The following ALDH1L1 variants were observed in gnomAD, a reference collection of about 807,000 sequenced individuals.
ALDH1L1 encodes cytosolic 10-formyltetrahydrofolate dehydrogenase.
ALDH1L1 carries 68 observed loss-of-function variants against 101.1 expected under a neutral mutation model. The observed-to-expected ratio is 0.67, with a 90% CI of 0.55 to 0.82. The LOEUF (loss-of-function observed/expected upper bound fraction) is 0.82. ALDH1L1 is among the 40% of genes least tolerant of loss of function. The probability of loss-of-function intolerance (pLI) is 0.00; values close to 1 mark genes in which losing one functional copy is unlikely to be tolerated. For synonymous variants in ALDH1L1, 486 were observed against 470.8 expected (o/e 1.03, Z -0.42); for missense variants, 1,087 against 1,172.7 (o/e 0.93, Z 1.07).
Position 126,135,573 on chromosome 3 carries a change from C to T in ALDH1L1, c.1434G>A (p.Gly478=), listed in dbSNP as rs762809708. The T allele has an allele frequency of 2.6e-5, 42 of 1,602,870 alleles. No individual in the cohort carries two copies. The highest frequency in any genetic ancestry group is 3.3e-4 in the Middle Eastern group (2 of 6,056). The change falls in exon 12 of 23, where the codon GGG becomes GGA. Residue 478 remains glycine, a synonymous_variant. Transcript: ENST00000393434. ...AKDAFENGRW[G]KISARDRGRL... ...GGCCCCGGTCCCGCGCACTGATCTT[C>T]CCCCACCGTCCATTCTCAAAGGCAT...
At chr3:126,112,984 C>A (rs1335580521) in intron 18 of ALDH1L1, 104 bp from the exon 19 acceptor site, 3 of 985,422 alleles carry the variant, frequency 3.0e-6, no homozygotes, top group Non-Finnish European at 4.7e-6. Flanking sequence ...AAGGAGGCAC[C>A]CATGTGTCCT....
At position 126,112,826 on chromosome 3, in the gene ALDH1L1, G is replaced by A; in HGVS notation, c.2137C>T (p.Leu713Phe). ...KGENCIAAGR[L>F]FVEDSIHDEF... ...TCATGAATGGAGTCCTCCACAAAGA[G>A]TCGGCCTGCTGCAATGCAATTCTCT... is the stretch of plus-strand genomic sequence containing the variant. Residue 713 changes from leucine (L) to phenylalanine (F), a missense_variant, in exon 19 of 23, where the codon CTC becomes TTC. Physicochemically the swap from Leu to Phe is conservative, Grantham distance 22. Coordinates refer to ENST00000393434, the MANE Select transcript of ALDH1L1 (RefSeq NM_012190.4). The A allele has an allele frequency of 6.2e-7, 1 of 1,613,718 alleles. No homozygotes were observed. Among genetic ancestry groups the A allele is most frequent in the Non-Finnish European group, 8.5e-7 (1 of 1,180,024 alleles).
At chr3:126,119,385 G>T (rs906951709) in intron 16 of ALDH1L1, among the ~76,000 whole-genome samples, 1 of 152,122 alleles carries the variant, frequency 6.6e-6, no homozygotes, top group African/African-American at 2.4e-5. Flanking sequence ...TTCCTCCAGG[G>T]TTCTCCATTT....
chr3:126,180,830 G>C, upstream of ALDH1L1: 2 of 1,542,508 alleles, frequency 1.3e-6, no homozygotes, highest in South Asian at 2.4e-5. Flanking sequence ...CCAGGGCTTT[G>C]AAAAGTCCCA....
intron 1 of ALDH1L1, among the ~76,000 whole-genome samples, chr3:126,192,630 A>T (rs1297048168): frequency 1.3e-5 from 2 of 152,190 alleles, no homozygotes; most frequent in Non-Finnish European, 2.9e-5. Context: ...GAGTTACTAG[A>T]AGAGTGTCAC....
Position 126,137,850 on chromosome 3 carries a change from C to T in ALDH1L1, c.1187G>A (p.Arg396Gln), listed in dbSNP as rs892351922. The T allele has an allele frequency of 4.3e-6, 7 of 1,614,068 alleles. No individual in the cohort carries two copies. In the Admixed American group the frequency reaches 5.0e-5, roughly 12 times the overall value. ...DFIQLLVRKL[R>Q]GDDEEGECSI... is the part of the protein sequence containing the mutation. Reference sequence around the variant, plus strand: ...GCACTCGCCCTCCTCATCGTCCCCTCGCAGCTTCCTCACTAACAGCTGGAT... The same window carrying T: ...GCACTCGCCCTCCTCATCGTCCCCTTGCAGCTTCCTCACTAACAGCTGGAT... Residue 396 changes from arginine (R) to glutamine (Q), a missense_variant, in exon 10 of 23, where the codon CGA (arginine) becomes CAA (glutamine). Around this residue, in one of 2 missense-constraint regions of ALDH1L1, gnomAD observed 645 missense variants for 637.0 expected, o/e 1.01. Coordinates refer to ENST00000393434, the MANE Select transcript of ALDH1L1 (RefSeq NM_012190.4).
chr3:126,155,639 C>T, intron 4 of ALDH1L1, 136 bp from the exon 5 acceptor site: 1 of 631,742 alleles, frequency 1.6e-6, no homozygotes, highest in Non-Finnish European at 2.6e-6. Flanking sequence ...CCAAGAAACA[C>T]CTGCCATATG....
At chr3:126,112,979 G>A in intron 18 of ALDH1L1, 99 bp from the exon 19 acceptor site, 1 of 1,054,230 alleles carries the variant, frequency 9.5e-7, no homozygotes, top group South Asian at 1.4e-5. Flanking sequence ...TAGGAAAGGA[G>A]GCACCCATGT....
chr3:126,182,581 G>T (rs2081486500), upstream of ALDH1L1, among the ~76,000 whole-genome samples: 1 of 152,212 alleles, frequency 6.6e-6, no homozygotes, highest in South Asian at 2.1e-4. Context: ...TGTGGAAGGT[G>T]TGCCATATAA....
At chr3:126,169,939 T>A (rs2081242666) in intron 1 of ALDH1L1, among the ~76,000 whole-genome samples, 1 of 152,206 alleles carries the variant, frequency 6.6e-6, no homozygotes, top group Non-Finnish European at 1.5e-5. Context: ...CAATTTTTAT[T>A]ATCTTTTACA....
intron 12 of ALDH1L1, among the ~76,000 whole-genome samples, chr3:126,133,950 T>A (rs1426864056): frequency 6.6e-6 from 1 of 152,206 alleles, no homozygotes; most frequent in Non-Finnish European, 1.5e-5. Flanking sequence ...GGAGGTTCTA[T>A]CCTGTCTACC....
At position 126,175,896 on chromosome 3, in the gene ALDH1L1, TA is replaced by T. The variant is rs2081357524; in HGVS notation, c.-24+4579del. ...AGTCTACAGATTGGGAAGGAAGAAA[TA>T]AACTGTTCTTGTTCTCAAAAAACAT... On this transcript the variant is annotated intron_variant, in intron 1 of 22. Coordinates refer to ENST00000393434, the MANE Select transcript of ALDH1L1 (RefSeq NM_012190.4). Among the ~76,000 whole-genome samples, 5 of 152,178 alleles carry T rather than the reference TA, an allele frequency of 3.3e-5. No individual in the cohort carries two copies. In the South Asian group the frequency reaches 1.0e-3, roughly 32 times the overall value.
At chr3:126,139,443 C>A (rs6779487) in intron 9 of ALDH1L1, among the ~76,000 whole-genome samples, 34,084 of 152,004 alleles carry the variant, frequency 0.22, 4,681 homozygotes, top group African/African-American at 0.39. Context: ...ATATATTTCC[C>A]GAATTACCAC....
chr3:126,181,322 T>G, upstream of ALDH1L1: 2 of 396,728 alleles, frequency 5.0e-6, no homozygotes, highest in Non-Finnish European at 9.6e-6. Flanking sequence ...TGGAACACCC[T>G]TCCCACCACA....
At chr3:126,189,675 T>C (rs2081541114) in intron 1 of ALDH1L1, among the ~76,000 whole-genome samples, 1 of 152,230 alleles carries the variant, frequency 6.6e-6, no homozygotes, top group African/African-American at 2.4e-5. Context: ...GAAAGTTTCT[T>C]TTATCTGGTG....
At position 126,103,941 on chromosome 3, in the gene ALDH1L1, C is replaced by A. The variant is rs1347466943; in HGVS notation, c.2654-95G>T. ...TTATTCCTCAGCAACCACGTGGGGG[C>A]AGCTCTGGCTCACCCCACTTCCAGG... On this transcript the variant is annotated intron_variant, in intron 22 of 22. Coordinates refer to ENST00000393434, the MANE Select transcript of ALDH1L1 (RefSeq NM_012190.4). 7 of 1,388,362 alleles carry A rather than the reference C, an allele frequency of 5.0e-6. No individual in the cohort carries two copies. In the South Asian group the frequency reaches 7.4e-5, roughly 15 times the overall value. The allele number at this position is 1,388,362 out of a possible 1,614,324, so 86.0% of individuals were successfully genotyped here.
intron 22 of ALDH1L1, 127 bp from the exon 23 acceptor site, chr3:126,103,973 G>A: frequency 9.4e-7 from 1 of 1,058,732 alleles, no homozygotes; most frequent in Non-Finnish European, 1.4e-6. Flanking sequence ...CAGGTGAGAA[G>A]TCGAGGCCCA....
At chr3:126,107,446 G>C (rs75642525) in intron 20 of ALDH1L1, among the ~76,000 whole-genome samples, 200 bp from the exon 21 acceptor site, 1 of 152,210 alleles carries the variant, frequency 6.6e-6, no homozygotes, top group African/African-American at 2.4e-5. Context: ...GGGTCTCACC[G>C]TGCTTTTAAC....
chr3:126,186,764 G>T (rs552007725), intron 1 of ALDH1L1, among the ~76,000 whole-genome samples: 26 of 152,292 alleles, frequency 1.7e-4, no homozygotes, highest in African/African-American at 5.5e-4. Context: ...TGAAGGGTGG[G>T]GAGTGGACCA....
Sources: allele counts gnomAD v4.1 joint callset (sites outside exome capture counted in the v4.1 genomes callset), GRCh38; gene constraint gnomAD v4.1.1; regional missense constraint gnomAD v4.1.1; transcripts MANE v1.5; gene names NCBI Gene and HGNC (gene_info 2026-07-23, HGNC 2026-07-21).